Variants in PCTP observed in about 807,000 individuals in gnomAD.
PCTP encodes the protein START domain-containing protein 2.
In PCTP, 27 loss-of-function variants were observed where a neutral mutation model predicts 31.0. The ratio of observed to expected loss-of-function variants is 0.87; its 90% CI spans 0.64 to 1.20. The LOEUF is 1.20. PCTP is among the 50% of genes most tolerant of loss of function. The pLI is 0.00. For synonymous variants in PCTP, 108 were observed against 101.2 expected (o/e 1.07, Z -0.40); for missense variants, 287 against 268.2 (o/e 1.07, Z -0.49).
At chr17:55,814,879 G>A (rs1912868112) in intron 3 of PCTP, among the ~76,000 whole-genome samples, 1 of 152,294 alleles carries the variant, frequency 6.6e-6, no homozygotes, top group East Asian at 1.9e-4. Context: ...TAGAAGACAA[G>A]CGGAGTTTGG....
Position 55,776,065 on chromosome 17 carries a change from G to A in PCTP, c.610G>A (p.Ala204Thr), listed in dbSNP as rs550750194. ...AGTTCCTAACTTCTTGAAAGACATG[G>A]CAAGAGCCTGTCAGAACTACCTCAA... ...NGVPNFLKDM[A>T]RACQNYLKKT The change falls in exon 6 of 6, where the codon GCA becomes ACA. Residue 204 changes from alanine (A) to threonine (T), a missense_variant. Ala to Thr is a moderately conservative substitution (Grantham distance 58). Coordinates refer to ENST00000268896, the MANE Select transcript of PCTP (RefSeq NM_021213.4). 6.2e-7 allele frequency: 1 copy of A among 1,613,942 alleles called. No individual in the cohort carries two copies. Among genetic ancestry groups the A allele is most frequent in the South Asian group, 1.1e-5 (1 of 91,038 alleles).
the PCTP span, among the ~76,000 whole-genome samples, chr17:55,848,896 T>C: frequency 6.6e-5 from 10 of 152,166 alleles, no homozygotes; most frequent in Admixed American, 3.9e-4. Flanking sequence ...TCTCTCAATT[T>C]AGCTATCACA....
intron 5 of PCTP, among the ~76,000 whole-genome samples, chr17:55,838,713 G>A (rs59472574): frequency 0.011 from 1,680 of 152,256 alleles, 23 homozygotes; most frequent in African/African-American, 0.038. Flanking sequence ...AGCAATTTAT[G>A]TGCATTATCC....
At chr17:55,753,496 T>A (rs1567708576) in intron 1 of PCTP, among the ~76,000 whole-genome samples, 2 of 152,234 alleles carry the variant, frequency 1.3e-5, no homozygotes, top group Non-Finnish European at 2.9e-5. Flanking sequence ...ATCACCTTTT[T>A]ACCTATATAT....
At position 55,783,693 on chromosome 17, in the gene PCTP, T is replaced by C. The variant is rs376621757; in HGVS notation, c.229-3873T>C. On this transcript the variant is annotated intron_variant, in intron 2 of 3. Coordinates refer to the PCTP transcript ENST00000572536. ...AATGATATTCTTCATGGGGAGCCTA[T>C]ATTTTAGGCCTGGTATTGAATAATT... Among the ~76,000 whole-genome samples the C allele has an allele frequency of 3.9e-5, 6 of 152,290 alleles. No homozygotes were observed. In the East Asian group the frequency reaches 7.7e-4, roughly 20 times the overall value.
At chr17:55,847,020 A>T (rs1906166622), downstream of PCTP, among the ~76,000 whole-genome samples, 2 of 152,198 alleles carry the variant, frequency 1.3e-5, no homozygotes, top group African/African-American at 4.8e-5. Flanking sequence ...CTCAAGTGTC[A>T]TGAACAGTGA....
intron 3 of PCTP, among the ~76,000 whole-genome samples, chr17:55,788,921 G>A (rs1238786031): frequency 6.6e-6 from 1 of 152,066 alleles, no homozygotes; most frequent in African/African-American, 2.4e-5. Flanking sequence ...TTCTCCCAGG[G>A]TTCCTGGAAG....
At chr17:55,769,691 T>G (rs1462912156) in intron 2 of PCTP, 1 of 152,222 alleles carries the variant, frequency 6.6e-6, no homozygotes, top group East Asian at 1.9e-4. Flanking sequence ...ACTAAATCAC[T>G]TTTTGCTCTC....
chr17:55,772,557 A>G (rs1567716089), intron 3 of PCTP, among the ~76,000 whole-genome samples: 1 of 146,346 alleles, frequency 6.8e-6, no homozygotes, highest in East Asian at 2.0e-4. Flanking sequence ...ACTCTACTCC[A>G]GTCTGGGTGA....
chr17:55,753,259 A>G (rs1334923655), intron 1 of PCTP, among the ~76,000 whole-genome samples: 1 of 152,176 alleles, frequency 6.6e-6, no homozygotes, highest in East Asian at 1.9e-4. Flanking sequence ...TTGGCCTACC[A>G]GCTCTCTGCT....
In PCTP at chr17:55,776,440, A is replaced by G. The variant is rs1911335344; in HGVS notation, c.*340A>G. Reference sequence around the variant, plus strand: ...GGGGAAGTCTTCAGTAGGGAACACGATCATTCCATTGTGCAATTTTACGGG... The same window carrying G: ...GGGGAAGTCTTCAGTAGGGAACACGGTCATTCCATTGTGCAATTTTACGGG... On this transcript the variant is annotated 3_prime_UTR_variant, in exon 6 of 6. Transcript: ENST00000268896. 5.7e-6 allele frequency: 7 copies of G among 1,233,962 alleles called. No individual in the cohort carries two copies. The highest frequency in any genetic ancestry group is 7.1e-6 in the Non-Finnish European group (7 of 989,446). 76.4% of individuals were successfully genotyped at this position (1,233,962 alleles called of 1,614,324 possible).
chr17:55,775,000 T>G, intron 5 of PCTP, 141 bp downstream of exon 5: 1 of 974,194 alleles, frequency 1.0e-6, no homozygotes. Flanking sequence ...TTTGGTTGAG[T>G]GACTCTGGTT....
downstream of PCTP, among the ~76,000 whole-genome samples, chr17:55,843,059 T>C (rs2145096607): frequency 6.6e-6 from 1 of 152,170 alleles, no homozygotes; most frequent in South Asian, 2.1e-4. Context: ...AAAAATCAAA[T>C]ACAGGTTATA....
At chr17:55,803,875 A>G (rs567118292) in intron 3 of PCTP, among the ~76,000 whole-genome samples, 1 of 149,928 alleles carries the variant, frequency 6.7e-6, no homozygotes. Flanking sequence ...TAATTAAACT[A>G]AAGAGCTTCT....
chr17:55,810,162 G>A, intron 3 of PCTP, among the ~76,000 whole-genome samples: 1 of 152,126 alleles, frequency 6.6e-6, no homozygotes, highest in South Asian at 2.1e-4. Flanking sequence ...TGGGACCACA[G>A]GCATGCACCA....
Position 55,804,610 on chromosome 17 carries a change from A to G in PCTP, c.317+16956A>G, listed in dbSNP as rs1009071548. ...CCATCATTCTTAGCAAATTAACACA[A>G]GAACAGAAAACCAAGCACCACGTCT... On this transcript the variant is annotated intron_variant, in intron 3 of 3. Transcript: ENST00000572536. Among the ~76,000 whole-genome samples, 4 of 152,148 alleles carry G rather than the reference A, an allele frequency of 2.6e-5. No individual in the cohort carries two copies. The East Asian group carries it at 7.7e-4, about 29-fold the overall frequency.
chr17:55,810,790 C>T (rs1912727426), intron 3 of PCTP, among the ~76,000 whole-genome samples: 1 of 152,184 alleles, frequency 6.6e-6, no homozygotes, highest in Non-Finnish European at 1.5e-5. Context: ...AAACGCAGAA[C>T]TATGTGTTGA....
At chr17:55,796,133 GAT>G (rs1912180364) in intron 3 of PCTP, among the ~76,000 whole-genome samples, 1 of 151,984 alleles carries the variant, frequency 6.6e-6, no homozygotes, top group African/African-American at 2.4e-5. Context: ...GCAGGAATGA[GAT>G]AAATATGTTG....
At chr17:55,812,979 C>T (rs930898751) in intron 3 of PCTP, among the ~76,000 whole-genome samples, 2 of 152,108 alleles carry the variant, frequency 1.3e-5, no homozygotes, top group African/African-American at 2.4e-5. Flanking sequence ...TGGGCAGTCA[C>T]GGTGAATCCT....
Sources: gnomAD v4.1 joint callset for allele counts (sites outside exome capture counted in the v4.1 genomes callset) on GRCh38, gnomAD v4.1.1 for gene constraint, MANE v1.5 for transcripts, NCBI Gene and HGNC (gene_info 2026-07-23, HGNC 2026-07-21) for gene names.